Variants in CDX2 observed in about 807,000 individuals in gnomAD.
The protein encoded by CDX2 is homeobox protein CDX-2.
CDX2 carries 7 observed loss-of-function variants against 25.5 expected under a neutral mutation model. That is an observed-to-expected ratio of 0.27 (90% confidence interval 0.16 to 0.52). The LOEUF is 0.52. Ranked by LOEUF, CDX2 falls within the 20% of genes least tolerant of loss-of-function variation. CDX2 has a pLI of 0.97. For synonymous variants in CDX2, 222 were observed against 198.6 expected (o/e 1.12, Z -0.99); for missense variants, 375 against 431.4 (o/e 0.87, Z 1.16).
chr13:27,963,195 G>A lies in CDX2; in HGVS notation c.862C>T (p.Leu288=). ...ACAGAGCCAGGCACTGAGGCTTGCA[G>A]GGAAGACACCGGACTCAAGGGCTCT... The part of the protein sequence containing the change: ...VPEPLSPVSS[L]QASVPGSVPG... Residue 288 remains leucine (L), a synonymous_variant, in exon 3 of 3, where the codon CTG becomes TTG. Coordinates refer to ENST00000381020, the MANE Select transcript of CDX2 (RefSeq NM_001265.6). The A allele has an allele frequency of 1.2e-6, 2 of 1,614,216 alleles. No individual in the cohort carries two copies. The highest frequency in any genetic ancestry group is 1.7e-6 in the Non-Finnish European group (2 of 1,180,032).
In CDX2 at chr13:27,968,975, A is replaced by G; in HGVS notation, c.32T>C (p.Val11Ala). ...GCGCACGGAGCTAGGGTACATGCTC[A>G]CGTCCTTGTCCAGGAGGTAGCTCAC... MYVSYLLDKD[V>A]SMYPSSVRHS... Residue 11 changes from valine (V) to alanine (A), a missense_variant, in exon 1 of 3, where the codon GTG becomes GCG. Physicochemically the swap from Val to Ala is moderately conservative, Grantham distance 64 (BLOSUM62 0). This residue lies in a region of CDX2 where 253 missense variants were observed against 247.5 expected (regional missense o/e 1.02). Transcript: ENST00000381020. The G allele has an allele frequency of 6.2e-7, 1 of 1,603,678 alleles. No individual in the cohort carries two copies. Among genetic ancestry groups the G allele is most frequent in the Non-Finnish European group, 8.5e-7 (1 of 1,179,138 alleles).
At position 27,961,051 on chromosome 13, in the gene CDX2, T is replaced by C. The variant is rs183509007; in HGVS notation, c.*2064A>G. On this transcript the variant is annotated 3_prime_UTR_variant, in exon 3 of 3. Transcript: ENST00000381020. Reference sequence around the variant, plus strand: ...GGGGCACCGGGGCTCAGACCGGCCCTGACCCAGGACCCCTGACCCAGGACC... The same window carrying C: ...GGGGCACCGGGGCTCAGACCGGCCCCGACCCAGGACCCCTGACCCAGGACC... Among the ~76,000 whole-genome samples, 855 of 152,098 alleles carry C rather than the reference T, an allele frequency of 5.6e-3. 6 individuals are homozygous for C. The highest frequency in any genetic ancestry group is 0.019 in the African/African-American group (803 of 41,514).
At position 27,964,852 on chromosome 13, in the gene CDX2, G is replaced by A. The variant is rs1209829081; in HGVS notation, c.687+18C>T. On this transcript the variant is annotated intron_variant, in intron 2 of 2. Coordinates refer to ENST00000381020, the MANE Select transcript of CDX2 (RefSeq NM_001265.6). This position sits in a 1 kb window ranked among gnomAD's most constrained non-coding sequence, Gnocchi z 4.7. The stretch of plus-strand genomic sequence containing the variant: ...TGCCAGGCAGTGGCCCGCCCGGAGG[G>A]AGCTAGGCGGTCCCCACCTGCCTCT... The A allele has an allele frequency of 6.2e-7, 1 of 1,612,858 alleles. No homozygotes were observed. The highest frequency in any genetic ancestry group is 1.7e-5 in the Admixed American group (1 of 60,020).
chr13:27,968,419 C>T lies in CDX2; in HGVS notation c.541+47G>A, dbSNP rs770258411. 2.1e-6 allele frequency: 3 copies of T among 1,439,788 alleles called. No homozygotes were observed. In the South Asian group the frequency reaches 4.5e-5, roughly 22 times the overall value. The allele number at this position is 1,439,788 out of a possible 1,614,324, so 89.2% of individuals were successfully genotyped here. A position where few individuals can be genotyped will look rare whatever the true frequency, so the allele number is the denominator to read the frequency against. On this transcript the variant is annotated intron_variant, in intron 1 of 2. Transcript: ENST00000381020. Reference sequence around the variant, plus strand: ...CGACGCGCAGCAGCCACTGGCTCGACCCGCGCCTTCCCAAGCACCCTCCGA... The same window carrying T: ...CGACGCGCAGCAGCCACTGGCTCGATCCGCGCCTTCCCAAGCACCCTCCGA...
In CDX2 at chr13:27,962,919, A is replaced by C. The variant is rs1869125269; in HGVS notation, c.*196T>G. ...AAAAAGCCAGATGGGAAAAAGTAAA[A>C]ATCTGGGAGAGTATATTTCTTGAGG... On this transcript the variant is annotated 3_prime_UTR_variant, in exon 3 of 3. Transcript: ENST00000381020. 1 of 605,070 alleles carries C rather than the reference A, an allele frequency of 1.7e-6. No individual in the cohort carries two copies. Among genetic ancestry groups the C allele is most frequent in the Non-Finnish European group, 2.6e-6 (1 of 391,214 alleles). 37.5% of individuals were successfully genotyped at this position (605,070 alleles called of 1,614,324 possible).
chr13:27,966,132 A>C (rs1869310777), intron 1 of CDX2, among the ~76,000 whole-genome samples: 1 of 152,262 alleles, frequency 6.6e-6, no homozygotes, highest in Admixed American at 6.5e-5. Context: ...CAAACAATGC[A>C]GGACAAGGCG....
rs1367131580 is a variant in CDX2, at chr13:27,965,098, G to A, written c.542-83C>T. 5.6e-6 allele frequency: 8 copies of A among 1,437,206 alleles called. No individual in the cohort carries two copies. The South Asian group carries it at 9.0e-5, about 16-fold the overall frequency. 89.0% of individuals were successfully genotyped at this position (1,437,206 alleles called of 1,614,324 possible). A position where few individuals can be genotyped will look rare whatever the true frequency, so the allele number is the denominator to read the frequency against. ...TAATGACAAACCTCCCTAACCCAGGGACATTTCTCTTCCTCCACCACCCTG... is the reference window on the plus strand; with the variant it reads ...TAATGACAAACCTCCCTAACCCAGGAACATTTCTCTTCCTCCACCACCCTG... On this transcript the variant is annotated intron_variant, in intron 1 of 2. Transcript: ENST00000381020.
chr13:27,966,633 C>T (rs1050624193), intron 1 of CDX2, among the ~76,000 whole-genome samples: 1 of 152,156 alleles, frequency 6.6e-6, no homozygotes, highest in Non-Finnish European at 1.5e-5. Flanking sequence ...CCGGACGTGC[C>T]GGGCAACGCG....
Position 27,968,957 on chromosome 13 carries a change from G to T in CDX2, c.50C>A (p.Ser17Tyr). ...LDKDVSMYPS[S>Y]VRHSGGLNLA... ...GTTGAGGCCGCCAGAGTGGCGCACG[G>T]AGCTAGGGTACATGCTCACGTCCTT... The change falls in exon 1 of 3, where the codon TCC becomes TAC. Residue 17 changes from serine to tyrosine, a missense_variant. Coordinates refer to ENST00000381020, the MANE Select transcript of CDX2 (RefSeq NM_001265.6). The T allele has an allele frequency of 6.2e-7, 1 of 1,607,198 alleles. No individual in the cohort carries two copies.
At position 27,968,581 on chromosome 13, in the gene CDX2, G is replaced by T. The variant is rs756602740; in HGVS notation, c.426C>A (p.Pro142=). ...CASGLLQTLN[P]GPPGPAATAA... The stretch of plus-strand genomic sequence containing the variant: ...CGGTGGCGGCGGGCCCAGGAGGGCC[G>T]GGGTTGAGCGTTTGCAGCAGCCCAG... Residue 142 remains proline (P), a synonymous_variant, in exon 1 of 3, where the codon CCC becomes CCA. Transcript: ENST00000381020. 1.9e-6 allele frequency: 3 copies of T among 1,570,772 alleles called. No individual in the cohort carries two copies. The highest frequency in any genetic ancestry group is 2.8e-5 in the African/African-American group (2 of 71,670).
intron 2 of CDX2, 100 bp from the exon 3 acceptor site, chr13:27,963,469 C>T: frequency 9.8e-7 from 1 of 1,016,180 alleles, no homozygotes; most frequent in South Asian, 1.7e-5. Flanking sequence ...GCTCCAGCTA[C>T]AGAACTCCAA....
chr13:27,963,909 A>C (rs186173953), intron 2 of CDX2, among the ~76,000 whole-genome samples: 66 of 152,308 alleles, frequency 4.3e-4, no homozygotes, highest in African/African-American at 1.6e-3. Flanking sequence ...TACTTTATTC[A>C]GTTTATTTTC....
intron 1 of CDX2, among the ~76,000 whole-genome samples, chr13:27,966,736 G>C (rs550171734): frequency 6.6e-6 from 1 of 152,156 alleles, no homozygotes; most frequent in African/African-American, 2.4e-5. Flanking sequence ...GCTATGGAGG[G>C]GAGGGATGAG....
intron 1 of CDX2, among the ~76,000 whole-genome samples, chr13:27,968,010 C>T (rs1869420079): frequency 6.6e-6 from 1 of 152,192 alleles, no homozygotes; most frequent in South Asian, 2.1e-4. Flanking sequence ...TCTTAGATGG[C>T]TCAGATGGGG....
chr13:27,963,271 C>T lies in CDX2; in HGVS notation c.786G>A (p.Pro262=), dbSNP rs575856920. 5.0e-6 allele frequency: 8 copies of T among 1,613,778 alleles called. No homozygotes were observed. In the East Asian group the frequency reaches 8.9e-5, roughly 18 times the overall value. The change falls in exon 3 of 3, where the codon CCG becomes CCA. Residue 262 remains proline (P), a synonymous_variant. Coordinates refer to ENST00000381020, the MANE Select transcript of CDX2 (RefSeq NM_001265.6). ...QQQQQPPQPP[P]PPPQPPQPQP... Reference sequence around the variant, plus strand: ...GAGGCTGGGGAGGCTGTGGTGGCGGCGGAGGCGGCTGTGGTGGCTGCTGCT... The same window carrying T: ...GAGGCTGGGGAGGCTGTGGTGGCGGTGGAGGCGGCTGTGGTGGCTGCTGCT...
chr13:27,967,569 A>G (rs1046359461), intron 1 of CDX2, among the ~76,000 whole-genome samples: 5 of 152,210 alleles, frequency 3.3e-5, no homozygotes, highest in Non-Finnish European at 5.9e-5. Context: ...GAACACCAGA[A>G]GGGGCAGACC....
At chr13:27,966,024 A>G (rs1869301376) in intron 1 of CDX2, among the ~76,000 whole-genome samples, 1 of 152,234 alleles carries the variant, frequency 6.6e-6, no homozygotes. Context: ...GACTTTGTTC[A>G]GGTAAAACCC....
At chr13:27,967,093 G>A (rs982177098) in intron 1 of CDX2, among the ~76,000 whole-genome samples, 1 of 151,814 alleles carries the variant, frequency 6.6e-6, no homozygotes, top group African/African-American at 2.4e-5. Context: ...CCGCTCTCCC[G>A]GGACACGCAA....
At position 27,968,567 on chromosome 13, in the gene CDX2, G is replaced by A. The variant is rs2137544862; in HGVS notation, c.440C>T (p.Pro147Leu). The change falls in exon 1 of 3, where the codon CCC becomes CTC. Residue 147 changes from proline (P) to leucine (L), a missense_variant. Transcript: ENST00000381020. ...LQTLNPGPPG[P>L]AATAAAEQLS... The stretch of plus-strand genomic sequence containing the variant: ...CTGCTCGGCGGCAGCGGTGGCGGCG[G>A]GCCCAGGAGGGCCGGGGTTGAGCGT... The A allele has an allele frequency of 6.4e-7, 1 of 1,566,200 alleles. No individual in the cohort carries two copies. The highest frequency in any genetic ancestry group is 8.6e-7 in the Non-Finnish European group (1 of 1,166,266).
Sources: allele counts gnomAD v4.1 joint callset (sites outside exome capture counted in the v4.1 genomes callset), GRCh38; gene constraint gnomAD v4.1.1; regional missense constraint gnomAD v4.1.1; non-coding constraint Gnocchi (gnomAD v3.1); transcripts MANE v1.5; gene names NCBI Gene and HGNC (gene_info 2026-07-23, HGNC 2026-07-21).